The following ABHD3 variants were observed in gnomAD, a reference collection of about 807,000 sequenced individuals.
ABHD3 encodes the protein abhydrolase domain containing 3, phospholipase.
A neutral mutation model predicts 48.8 loss-of-function variants in ABHD3; 46 were observed. The observed-to-expected ratio is 0.94, with a 90% CI of 0.74 to 1.20. The LOEUF is 1.20. Ranked by LOEUF, ABHD3 falls within the 50% of genes most tolerant of loss-of-function variation. ABHD3 has a pLI of 0.00. For synonymous variants in ABHD3, 192 were observed against 183.7 expected (o/e 1.04, Z -0.36); for missense variants, 490 against 497.8 (o/e 0.98, Z 0.15).
At chr18:21,674,110 T>TG (rs1444474619) in intron 4 of ABHD3, among the ~76,000 whole-genome samples, 6 of 152,158 alleles carry the variant, frequency 3.9e-5, no homozygotes, top group South Asian at 2.1e-4. Flanking sequence ...TTGAAGTGTA[T>TG]GGGGAAGTAC....
intron 3 of ABHD3, among the ~76,000 whole-genome samples, chr18:21,693,517 C>A (rs1348091397): frequency 6.6e-6 from 1 of 152,012 alleles, no homozygotes; most frequent in Admixed American, 6.6e-5. Flanking sequence ...CACAGAGTAC[C>A]CTTTGAGGGC....
intron 8 of ABHD3, among the ~76,000 whole-genome samples, chr18:21,654,449 C>T (rs975546091): frequency 6.6e-6 from 1 of 151,994 alleles, no homozygotes; most frequent in Non-Finnish European, 1.5e-5. Flanking sequence ...AACCGATAGC[C>T]CTAAAGCAAG....
intron 3 of ABHD3, among the ~76,000 whole-genome samples, chr18:21,700,523 T>G (rs1435290310): frequency 1.3e-5 from 2 of 152,034 alleles, no homozygotes; most frequent in Non-Finnish European, 2.9e-5. Context: ...CTCAGCCTCC[T>G]GAGTAGCTGG....
At chr18:21,653,077 A>G (rs11083254) in intron 8 of ABHD3, among the ~76,000 whole-genome samples, 1,638 of 75,908 alleles carry the variant, frequency 0.022, 115 homozygotes, top group Middle Eastern at 0.066. Flanking sequence ...AAAAAAAAAA[A>G]AAAGAGCTGG....
At position 21,659,271 on chromosome 18, in the gene ABHD3, A is replaced by T; in HGVS notation, c.741T>A (p.Val247=). The T allele has an allele frequency of 6.2e-7, 1 of 1,613,960 alleles. No individual in the cohort carries two copies. Among genetic ancestry groups the T allele is most frequent in the Non-Finnish European group, 8.5e-7 (1 of 1,179,968 alleles). ...TPLMAAATFS[V]GWNTFACSES... Reference sequence around the variant, plus strand: ...CTGAGCAAGCGAAGGTGTTCCAACCAACGGAAAAAGTTGCAGCTGCCATCA... The same window carrying T: ...CTGAGCAAGCGAAGGTGTTCCAACCTACGGAAAAAGTTGCAGCTGCCATCA... The change falls in exon 6 of 9, where the codon GTT becomes GTA. Residue 247 remains valine, a synonymous_variant. Transcript: ENST00000289119.
At chr18:21,669,891 A>C (rs1313175481) in intron 4 of ABHD3, among the ~76,000 whole-genome samples, 1 of 152,110 alleles carries the variant, frequency 6.6e-6, no homozygotes, top group African/African-American at 2.4e-5. Context: ...CCCTGAAGCA[A>C]GGATGTGAGT....
rs75571123 is a variant in ABHD3, at chr18:21,658,336, C to G, written c.842+834G>C. Among the ~76,000 whole-genome samples the G allele has an allele frequency of 4.8e-3, 728 of 152,306 alleles. 3 individuals carry two copies. Among genetic ancestry groups the G allele is most frequent in the African/African-American group, 0.016 (678 of 41,570 alleles). On this transcript the variant is annotated intron_variant, in intron 6 of 8. Coordinates refer to ENST00000289119, the MANE Select transcript of ABHD3 (RefSeq NM_138340.5). ...ATCTAAGTGAACTGCATTCTCCTGTCTCTAAAACATACTATGCTCATAAGC... is the reference window on the plus strand; with the variant it reads ...ATCTAAGTGAACTGCATTCTCCTGTGTCTAAAACATACTATGCTCATAAGC...
intron 4 of ABHD3, 44 bp downstream of exon 4, chr18:21,683,876 G>A (rs370262875): frequency 5.3e-6 from 8 of 1,502,938 alleles, no homozygotes; most frequent in Non-Finnish European, 7.2e-6. Flanking sequence ...AACTAGAAAT[G>A]ATTCTTTAAA....
Position 21,684,311 on chromosome 18 carries a change from C to CTTTTTTTT in ABHD3, c.510-354_510-347dup, listed in dbSNP as rs564516602. On this transcript the variant is annotated intron_variant, in intron 3 of 8. Coordinates refer to ENST00000289119, the MANE Select transcript of ABHD3 (RefSeq NM_138340.5). Reference sequence around the variant, plus strand: ...TACAAGTCAAATTTAAATGTTTTTGCTTTTTTTTTTTTTTTTTTTTTTTGA... The same window carrying CTTTTTTTT: ...TACAAGTCAAATTTAAATGTTTTTGCTTTTTTTTTTTTTTTTTTTTTTTTTTTTTTTGA... 6.0e-4 allele frequency among the ~76,000 whole-genome samples: 50 copies of CTTTTTTTT among 82,808 alleles called. 1 individual carries two copies. Among genetic ancestry groups the CTTTTTTTT allele is most frequent in the Non-Finnish European group, 7.6e-4 (36 of 47,500 alleles). 54.3% of individuals were successfully genotyped at this position (82,808 alleles called of 152,430 possible). A position where few individuals can be genotyped will look rare whatever the true frequency, so the allele number is the denominator to read the frequency against.
chr18:21,659,369 C>T lies in ABHD3; in HGVS notation c.669-26G>A, dbSNP rs185368091. ...CTAAAATGGGGAGAAACAGGAAACT[C>T]AGTGATTAATTTGTTGTATCACAGA... On this transcript the variant is annotated intron_variant, in intron 5 of 8. Transcript: ENST00000289119. 3.0e-3 allele frequency: 4,828 copies of T among 1,591,416 alleles called. 8 individuals are homozygous for T. The highest frequency in any genetic ancestry group is 3.7e-3 in the Non-Finnish European group (4,276 of 1,170,568).
intron 4 of ABHD3, among the ~76,000 whole-genome samples, chr18:21,667,783 C>G (rs961445222): frequency 5.3e-5 from 8 of 152,076 alleles, no homozygotes; most frequent in African/African-American, 1.9e-4. Flanking sequence ...TAAATAACTC[C>G]TGTAACATCT....
chr18:21,676,987 TAAG>T (rs1232218114), intron 4 of ABHD3, among the ~76,000 whole-genome samples: 1 of 152,132 alleles, frequency 6.6e-6, no homozygotes, highest in Admixed American at 6.6e-5. Flanking sequence ...CATCATAATT[TAAG>T]AATATTTTTA....
chr18:21,684,311 CTTTTTT>C (rs564516602), intron 3 of ABHD3, among the ~76,000 whole-genome samples: 9 of 82,818 alleles, frequency 1.1e-4, no homozygotes, highest in African/African-American at 2.2e-4. Context: ...AATGTTTTTG[CTTTTTT>C]TTTTTTTTTT....
At chr18:21,700,445 C>A (rs1457332730) in intron 3 of ABHD3, among the ~76,000 whole-genome samples, 1 of 150,746 alleles carries the variant, frequency 6.6e-6, no homozygotes, top group Non-Finnish European at 1.5e-5. Flanking sequence ...ATTGCCCAGG[C>A]TGGAGTGCAA....
intron 5 of ABHD3, among the ~76,000 whole-genome samples, chr18:21,660,227 A>C (rs1251323308): frequency 6.8e-6 from 1 of 148,130 alleles, no homozygotes; most frequent in African/African-American, 2.5e-5. Context: ...TTTGTAAATG[A>C]CTACTGATGT....
intron 4 of ABHD3, among the ~76,000 whole-genome samples, chr18:21,665,126 G>A (rs560847388): frequency 3.9e-5 from 6 of 152,038 alleles, no homozygotes; most frequent in Admixed American, 6.6e-5. Flanking sequence ...TGCATTTTTA[G>A]TAGAGATGGG....
At chr18:21,695,147 C>T (rs905555066) in intron 3 of ABHD3, among the ~76,000 whole-genome samples, 1 of 152,182 alleles carries the variant, frequency 6.6e-6, no homozygotes, top group Non-Finnish European at 1.5e-5. Flanking sequence ...ATTCTCCTGC[C>T]TCAGCCTCCC....
chr18:21,684,026 A>G, intron 3 of ABHD3, 61 bp from the exon 4 acceptor site: 1 of 1,457,184 alleles, frequency 6.9e-7, no homozygotes, highest in Non-Finnish European at 9.5e-7. Context: ...ATGATATAAT[A>G]TTAAAGTCAT....
chr18:21,663,897 G>C (rs957118464), intron 5 of ABHD3: 3 of 1,438,030 alleles, frequency 2.1e-6, no homozygotes, highest in Non-Finnish European at 2.7e-6. Context: ...CACAAAATCC[G>C]CAGTCACAGA....
Sources: gnomAD v4.1 joint callset for allele counts (sites outside exome capture counted in the v4.1 genomes callset) on GRCh38, gnomAD v4.1.1 for gene constraint, MANE v1.5 for transcripts, NCBI Gene and HGNC (gene_info 2026-07-23, HGNC 2026-07-21) for gene names.